Variants in CPPED1 observed in about 807,000 individuals in gnomAD.
The protein encoded by CPPED1 is serine/threonine-protein phosphatase CPPED1.
In CPPED1, 28 loss-of-function variants were observed where a neutral mutation model predicts 28.0. That is an observed-to-expected ratio of 1.00 (90% CI 0.74 to 1.37). The LOEUF (loss-of-function observed/expected upper bound fraction) is 1.37, where lower values mean the gene tolerates loss of function less well. Among genes scored for constraint, CPPED1 ranks in the 40% most tolerant of loss-of-function variants. The pLI is 0.00. For synonymous variants in CPPED1, 198 were observed against 180.2 expected (o/e 1.10, Z -0.79); for missense variants, 504 against 416.5 (o/e 1.21, Z -1.83).
Position 12,709,234 on chromosome 16 carries a change from AG to A in CPPED1, c.290-4186del, listed in dbSNP as rs1281432949. ...ATGTTCACAAAAAGAATGTATATAA[AG>A]GACAGGAAGAAAGGCAGGGAAACAA... On this transcript the variant is annotated intron_variant, in intron 2 of 3. Transcript: ENST00000381774. The surrounding 1 kb of genome is among the most constrained non-coding windows in gnomAD (Gnocchi z 4.4). Among the ~76,000 whole-genome samples, 7 of 152,230 alleles carry A rather than the reference AG, an allele frequency of 4.6e-5. No homozygotes were observed. The highest frequency in any genetic ancestry group is 4.6e-4 in the Admixed American group (7 of 15,278).
intron 3 of CPPED1, among the ~76,000 whole-genome samples, chr16:12,677,593 G>C (rs2079884105): frequency 6.6e-6 from 1 of 152,214 alleles, no homozygotes; most frequent in Non-Finnish European, 1.5e-5. Flanking sequence ...AGTGAGCTGA[G>C]CTCGTGCCAC....
At chr16:12,747,892 G>A (rs933733035) in intron 2 of CPPED1, among the ~76,000 whole-genome samples, 5 of 152,112 alleles carry the variant, frequency 3.3e-5, no homozygotes, top group African/African-American at 1.2e-4. Flanking sequence ...CACTGTGTGC[G>A]CATTTTTAAA....
chr16:12,786,724 T>A (rs1406539290), intron 1 of CPPED1, among the ~76,000 whole-genome samples: 1 of 152,096 alleles, frequency 6.6e-6, no homozygotes, highest in African/African-American at 2.4e-5. Context: ...ATCAAGACCA[T>A]CCTGGCCAAC....
chr16:12,787,049 C>A (rs1239974741), intron 1 of CPPED1, among the ~76,000 whole-genome samples: 1 of 152,204 alleles, frequency 6.6e-6, no homozygotes, highest in Non-Finnish European at 1.5e-5. Context: ...TACGTACACA[C>A]ACACATACAT....
intron 1 of CPPED1, among the ~76,000 whole-genome samples, chr16:12,799,505 C>G (rs991325378): frequency 6.6e-6 from 1 of 152,194 alleles, no homozygotes; most frequent in East Asian, 1.9e-4. Flanking sequence ...CTCGGCCTCC[C>G]AAAGTGCAGG....
At chr16:12,726,421 C>G (rs1473188945) in intron 2 of CPPED1, among the ~76,000 whole-genome samples, 1 of 145,366 alleles carries the variant, frequency 6.9e-6, no homozygotes, top group Non-Finnish European at 1.5e-5. Context: ...CAGCTCACTA[C>G]AATCTCTACC....
chr16:12,681,622 CA>C (rs1168877510), intron 3 of CPPED1, among the ~76,000 whole-genome samples: 4 of 152,104 alleles, frequency 2.6e-5, no homozygotes, highest in African/African-American at 4.8e-5. Context: ...ATGGGGATGG[CA>C]CAGAAGTGGC....
At chr16:12,741,431 G>T (rs2080254865) in intron 2 of CPPED1, among the ~76,000 whole-genome samples, 1 of 152,036 alleles carries the variant, frequency 6.6e-6, no homozygotes, top group East Asian at 1.9e-4. Context: ...ATTCACTGTG[G>T]GTATGATTTA....
intron 2 of CPPED1, among the ~76,000 whole-genome samples, chr16:12,774,848 G>T (rs763338486): frequency 1.3e-5 from 2 of 152,036 alleles, no homozygotes; most frequent in Admixed American, 1.3e-4. Context: ...TTGAGACAGG[G>T]TCTTGCTCTG....
chr16:12,776,951 T>C (rs1186800862), intron 2 of CPPED1, among the ~76,000 whole-genome samples: 1 of 152,190 alleles, frequency 6.6e-6, no homozygotes, highest in African/African-American at 2.4e-5. Context: ...CCATCTGCCA[T>C]GATTGTGAGG....
chr16:12,782,572 A>C, intron 1 of CPPED1, among the ~76,000 whole-genome samples: 1 of 147,056 alleles, frequency 6.8e-6, no homozygotes. Flanking sequence ...TCATAATTTA[A>C]TGTATGGCCA....
At chr16:12,723,044 C>T (rs1416488975) in intron 2 of CPPED1, among the ~76,000 whole-genome samples, 1 of 152,144 alleles carries the variant, frequency 6.6e-6, no homozygotes, top group South Asian at 2.1e-4. Context: ...CCTCATCAGT[C>T]CAGGCTTTCT....
intron 2 of CPPED1, among the ~76,000 whole-genome samples, chr16:12,727,500 A>G (rs2141202703): frequency 6.6e-6 from 1 of 152,208 alleles, no homozygotes; most frequent in East Asian, 1.9e-4. Context: ...CCACAGGCGT[A>G]TACCACCACA....
At chr16:12,697,876 C>A (rs2080000236) in intron 3 of CPPED1, among the ~76,000 whole-genome samples, 1 of 152,086 alleles carries the variant, frequency 6.6e-6, no homozygotes, top group Non-Finnish European at 1.5e-5. Context: ...CTTTGGGAGG[C>A]CAAGGTGAGC....
At chr16:12,716,449 C>T (rs922400206) in intron 2 of CPPED1, among the ~76,000 whole-genome samples, 2 of 152,216 alleles carry the variant, frequency 1.3e-5, no homozygotes, top group African/African-American at 4.8e-5. Context: ...AAGGAAAGAG[C>T]ACAATTCATT....
chr16:12,710,723 G>A (rs1172583264), intron 2 of CPPED1, among the ~76,000 whole-genome samples: 1 of 152,072 alleles, frequency 6.6e-6, no homozygotes, highest in Non-Finnish European at 1.5e-5. Context: ...TGGCCAATAA[G>A]GACATTAAAA....
At chr16:12,789,269 T>C (rs889615590) in intron 1 of CPPED1, among the ~76,000 whole-genome samples, 6 of 152,168 alleles carry the variant, frequency 3.9e-5, no homozygotes, top group African/African-American at 9.7e-5. Context: ...GCATCTGCAA[T>C]GACAAACCCT....
At chr16:12,706,157 TAATA>T (rs2080049138) in intron 2 of CPPED1, among the ~76,000 whole-genome samples, 2 of 152,144 alleles carry the variant, frequency 1.3e-5, no homozygotes, top group African/African-American at 4.8e-5. Context: ...AGAAAATCTT[TAATA>T]TATAGTAAGT....
Position 12,704,995 on chromosome 16 carries a change from A to G in CPPED1, c.344T>C (p.Val115Ala), listed in dbSNP as rs904498691. The change falls in exon 3 of 4, where the codon GTG becomes GCG. Residue 115 changes from valine to alanine, a missense_variant. Coordinates refer to ENST00000381774, the MANE Select transcript of CPPED1 (RefSeq NM_018340.3). ...TEDLKRVLRA[V>A]DRAIPLVLVS... ...AAGGACCAGTGGGATGGCCCTGTCC[A>G]CTGCCCTAAGCACTCGCTTCAGGTC... 3.1e-6 allele frequency: 5 copies of G among 1,614,036 alleles called. No homozygotes were observed. The African/African-American group carries it at 5.3e-5, about 17-fold the overall frequency.
Sources: allele counts gnomAD v4.1 joint callset (sites outside exome capture counted in the v4.1 genomes callset), GRCh38; gene constraint gnomAD v4.1.1; non-coding constraint Gnocchi (gnomAD v3.1); transcripts MANE v1.5; gene names NCBI Gene and HGNC (gene_info 2026-07-23, HGNC 2026-07-21).